C4orf17: variants seen among roughly 807,000 people sequenced by gnomAD.
C4orf17 encodes the protein uncharacterized protein C4orf17.
A neutral mutation model predicts 32.0 loss-of-function variants in C4orf17; 25 were observed. The observed-to-expected ratio is 0.78, with a 90% CI of 0.57 to 1.09. The LOEUF is 1.09. Among genes scored for constraint, C4orf17 ranks in the 50% least tolerant of loss-of-function variants. The pLI is 0.00. For missense variants in C4orf17, 420 were observed against 420.0 expected, an observed-to-expected ratio of 1.00 and a Z score of 0.00; for synonymous variants, 149 against 145.8, an observed-to-expected ratio of 1.02 and a Z score of -0.16.
Position 99,539,320 on chromosome 4 carries a change from TG to T in C4orf17, c.787del (p.Ala263GlnfsTer6), listed in dbSNP as rs1377376591. 5.6e-6 allele frequency: 9 copies of T among 1,614,074 alleles called. No homozygotes were observed. Among genetic ancestry groups the T allele is most frequent in the Non-Finnish European group, 6.8e-6 (8 of 1,179,942 alleles). On this transcript the variant is annotated frameshift_variant, in exon 7 of 9. Coordinates refer to ENST00000326581, the MANE Select transcript of C4orf17 (RefSeq NM_032149.3). LOFTEE classifies it high-confidence loss of function. ...CAGTTAAATTGCCCCCAAATTTTAC[TG>T]CAAAATCAAAAGTGCTGACCAGAGA... ...PTVKLPPNFT[A>X]KSKVLTRDTE...
At chr4:99,539,461 AG>A in intron 7 of C4orf17, 91 bp downstream of exon 7, 1 of 1,071,436 alleles carries the variant, frequency 9.3e-7, no homozygotes, top group Non-Finnish European at 1.4e-6. Context: ...AATGTTAAAC[AG>A]GAGGTTCTAA....
At chr4:99,534,604 A>C (rs993667928) in intron 5 of C4orf17, among the ~76,000 whole-genome samples, 9 of 152,330 alleles carry the variant, frequency 5.9e-5, no homozygotes, top group African/African-American at 2.2e-4. Flanking sequence ...CCAACAGTGT[A>C]AAATTGTTCC....
chr4:99,512,229 TACA>T (rs1254336574), intron 1 of C4orf17, among the ~76,000 whole-genome samples: 5 of 152,010 alleles, frequency 3.3e-5, no homozygotes, highest in African/African-American at 4.8e-5. Context: ...ATAGAAAAAA[TACA>T]ACAAGCACCA....
At chr4:99,525,727 G>C (rs1723376595) in intron 4 of C4orf17, among the ~76,000 whole-genome samples, 1 of 151,918 alleles carries the variant, frequency 6.6e-6, no homozygotes. Context: ...CCGGGAGGTG[G>C]AGGAGGTTGC....
intron 3 of C4orf17, 78 bp from the exon 4 acceptor site, chr4:99,524,443 G>C: frequency 1.3e-6 from 1 of 794,650 alleles, no homozygotes; most frequent in South Asian, 1.8e-5. Context: ...ATCTATTTCA[G>C]CAATTGACAC....
At chr4:99,512,579 AG>A (rs1560583611) in intron 1 of C4orf17, among the ~76,000 whole-genome samples, 2 of 152,124 alleles carry the variant, frequency 1.3e-5, no homozygotes, top group Non-Finnish European at 2.9e-5. Context: ...TACAATATGA[AG>A]GGACTTAACT....
intron 5 of C4orf17, among the ~76,000 whole-genome samples, chr4:99,537,101 T>C (rs1318350620): frequency 6.6e-6 from 1 of 152,106 alleles, no homozygotes; most frequent in Non-Finnish European, 1.5e-5. Flanking sequence ...ACTAGGGATA[T>C]TGCCCCCTAA....
Position 99,541,917 on chromosome 4 carries a change from G to C in C4orf17, c.888G>C (p.Glu296Asp), listed in dbSNP as rs546022848. The C allele has an allele frequency of 3.1e-6, 5 of 1,611,918 alleles. No individual in the cohort carries two copies. In the South Asian group the frequency reaches 5.5e-5, roughly 18 times the overall value. Residue 296 changes from glutamate to aspartate, a missense_variant, in exon 9 of 9, where the codon GAG becomes GAC. Transcript: ENST00000326581. ...EENKEVPKEA[E>D]HKPPLLIRRN... ...TTTTTTTCTCTATTTCAGAGGCTGAGCACAAGCCTCCACTACTTATAAGAA... is the reference window on the plus strand; with the variant it reads ...TTTTTTTCTCTATTTCAGAGGCTGACCACAAGCCTCCACTACTTATAAGAA...
At position 99,542,154 on chromosome 4, in the gene C4orf17, T is replaced by G. The variant is rs376647955; in HGVS notation, c.*45T>G. ...TTCTTTCATGAATATGAGCTTCACA[T>G]TTACATCATCAAATTATTTTTCAAA... is the stretch of plus-strand genomic sequence containing the variant. On this transcript the variant is annotated 3_prime_UTR_variant, in exon 9 of 9. Transcript: ENST00000326581. 3 of 1,494,414 alleles carry G rather than the reference T, an allele frequency of 2.0e-6. No homozygotes were observed. Among genetic ancestry groups the G allele is most frequent in the South Asian group, 2.3e-5 (2 of 86,742 alleles). 92.6% of individuals were successfully genotyped at this position (1,494,414 alleles called of 1,614,324 possible).
At chr4:99,533,020 A>G (rs935867401) in intron 5 of C4orf17, among the ~76,000 whole-genome samples, 14 of 152,186 alleles carry the variant, frequency 9.2e-5, no homozygotes. Context: ...AACAATTAAT[A>G]TGGTTGATGC....
In C4orf17 at chr4:99,537,754, C is replaced by T. The variant is rs554439030; in HGVS notation, c.628+4C>T. ...CTGCTTCATGCAACTTCAAAAGGTG[C>T]GATTAAGATATAAATTTTAAAACAC... On this transcript the variant is annotated splice_donor_region_variant and intron_variant, in intron 6 of 8. Coordinates refer to ENST00000326581, the MANE Select transcript of C4orf17 (RefSeq NM_032149.3). The T allele has an allele frequency of 2.1e-5, 34 of 1,602,356 alleles. 1 individual carries two copies. Among genetic ancestry groups the T allele is most frequent in the South Asian group, 7.7e-5 (7 of 90,878 alleles).
At chr4:99,518,538 TATATATAGAGAG>T (rs1251058052) in intron 2 of C4orf17, among the ~76,000 whole-genome samples, 5 of 72,270 alleles carry the variant, frequency 6.9e-5, no homozygotes, top group African/African-American at 3.1e-4. Context: ...TATATATATA[TATATATAGAGAG>T]AGAGAGAGAG....
At chr4:99,521,729 T>A (rs1723289689) in intron 2 of C4orf17, among the ~76,000 whole-genome samples, 1 of 152,164 alleles carries the variant, frequency 6.6e-6, no homozygotes, top group Non-Finnish European at 1.5e-5. Flanking sequence ...AACGCAGCCA[T>A]CTCTTAATAC....
At chr4:99,540,798 C>T (rs563954952) in intron 8 of C4orf17, 9 of 170,048 alleles carry the variant, frequency 5.3e-5, no homozygotes, top group Middle Eastern at 2.5e-3. Context: ...TTCTTCACAG[C>T]TTAATGGAGT....
At chr4:99,514,873 G>A (rs1723151855) in intron 2 of C4orf17, among the ~76,000 whole-genome samples, 1 of 152,074 alleles carries the variant, frequency 6.6e-6, no homozygotes. Flanking sequence ...CATTAACCAA[G>A]TGGATTAAAA....
At chr4:99,535,475 T>C (rs919162711) in intron 5 of C4orf17, among the ~76,000 whole-genome samples, 1 of 152,200 alleles carries the variant, frequency 6.6e-6, no homozygotes, top group Non-Finnish European at 1.5e-5. Flanking sequence ...GCCTGTCTTA[T>C]TTCAGAAAGA....
At chr4:99,527,533 C>T (rs1388701886) in intron 4 of C4orf17, among the ~76,000 whole-genome samples, 1 of 152,218 alleles carries the variant, frequency 6.6e-6, no homozygotes, top group Non-Finnish European at 1.5e-5. Context: ...AATTGTTCCA[C>T]CTCAGATCAT....
chr4:99,538,630 T>A (rs1207306943), intron 6 of C4orf17, among the ~76,000 whole-genome samples: 2 of 152,088 alleles, frequency 1.3e-5, no homozygotes, highest in African/African-American at 4.8e-5. Context: ...TAACATTTAA[T>A]AAACTATACA....
At chr4:99,523,231 G>A (rs1348584770) in intron 3 of C4orf17, among the ~76,000 whole-genome samples, 1 of 152,056 alleles carries the variant, frequency 6.6e-6, no homozygotes, top group African/African-American at 2.4e-5. Context: ...AAGGAAAAAG[G>A]CACTGATAAA....
Sources: allele counts gnomAD v4.1 joint callset (sites outside exome capture counted in the v4.1 genomes callset), GRCh38; gene constraint gnomAD v4.1.1; transcripts MANE v1.5; gene names NCBI Gene and HGNC (gene_info 2026-07-23, HGNC 2026-07-21).